Variants in GLCE observed in about 807,000 individuals in gnomAD.
GLCE encodes the protein D-glucuronyl C5-epimerase.
GLCE carries 19 observed loss-of-function variants against 47.9 expected under a neutral mutation model. The ratio of observed to expected loss-of-function variants is 0.40; its 90% CI spans 0.28 to 0.58. GLCE has a LOEUF of 0.58. Among genes scored for constraint, GLCE ranks in the 20% least tolerant of loss-of-function variants. GLCE has a pLI of 0.48. For missense variants in GLCE, 556 were observed against 743.3 expected, an observed-to-expected ratio of 0.75 and a Z score of 2.93; for synonymous variants, 245 against 263.4, an observed-to-expected ratio of 0.93 and a Z score of 0.68.
At chr15:69,189,078 GT>G (rs1168431483) in intron 1 of GLCE, among the ~76,000 whole-genome samples, 1 of 152,084 alleles carries the variant, frequency 6.6e-6, no homozygotes, top group African/African-American at 2.4e-5. Context: ...CACTCTTGAT[GT>G]TGTACATTCT....
rs150698656 is a variant in GLCE at position 69,202,959 on chromosome 15, A to G, written c.-104-7357A>G. Among the ~76,000 whole-genome samples, 56 of 152,300 alleles carry G rather than the reference A, an allele frequency of 3.7e-4. 1 individual carries two copies. The East Asian group carries it at 0.01, about 28-fold the overall frequency. On this transcript the variant is annotated intron_variant, in intron 1 of 4. Transcript: ENST00000261858. ...TTCTGAAAGAAGAACTTTTGGAATA[A>G]TGGGTGGAAAGTTCATTTGATTTGC...
At chr15:69,223,325 A>G (rs1014735459) in intron 2 of GLCE, among the ~76,000 whole-genome samples, 1 of 152,258 alleles carries the variant, frequency 6.6e-6, no homozygotes, top group South Asian at 2.1e-4. Flanking sequence ...TTTGCCGGAT[A>G]TAGGATTCTT....
intron 1 of GLCE, among the ~76,000 whole-genome samples, chr15:69,168,619 G>C (rs1030605317): frequency 6.6e-6 from 1 of 150,942 alleles, no homozygotes; most frequent in African/African-American, 2.4e-5. Flanking sequence ...CGCAACCTCT[G>C]CCTCCCAGGT....
chr15:69,233,375 T>C (rs1232835329), intron 2 of GLCE, among the ~76,000 whole-genome samples: 2 of 152,160 alleles, frequency 1.3e-5, no homozygotes, highest in East Asian at 3.8e-4. Context: ...GTTTATAAAT[T>C]CCCCTTGTTT....
chr15:69,232,115 T>C (rs956598186), intron 2 of GLCE, among the ~76,000 whole-genome samples: 1 of 152,192 alleles, frequency 6.6e-6, no homozygotes, highest in Non-Finnish European at 1.5e-5. Context: ...TACGTTTGGA[T>C]GGAGTAAAGT....
chr15:69,260,528 A>G (rs573175680), intron 3 of GLCE, among the ~76,000 whole-genome samples: 3 of 152,166 alleles, frequency 2.0e-5, no homozygotes, highest in East Asian at 3.9e-4. Flanking sequence ...CCAAAGTGCT[A>G]GGATTACAGG....
At chr15:69,182,246 CCAATTTATCAGA>C (rs1566949041) in intron 1 of GLCE, among the ~76,000 whole-genome samples, 1 of 150,782 alleles carries the variant, frequency 6.6e-6, no homozygotes, top group Non-Finnish European at 1.5e-5. Flanking sequence ...TAAAGAGAAA[CCAATTTATCAGA>C]CATCGTGTAT....
At chr15:69,188,823 AT>A (rs2051870912) in intron 1 of GLCE, among the ~76,000 whole-genome samples, 1 of 152,072 alleles carries the variant, frequency 6.6e-6, no homozygotes, top group Non-Finnish European at 1.5e-5. Context: ...TGATTTATTA[AT>A]TTTATTGATC....
intron 2 of GLCE, among the ~76,000 whole-genome samples, chr15:69,245,980 C>T (rs1294960451): frequency 4.6e-5 from 7 of 152,194 alleles, no homozygotes; most frequent in Non-Finnish European, 8.8e-5. Context: ...CTGCCCGCCT[C>T]GGCCTCCTAA....
At chr15:69,191,633 G>A (rs977503107) in intron 1 of GLCE, among the ~76,000 whole-genome samples, 2 of 152,168 alleles carry the variant, frequency 1.3e-5, no homozygotes, top group African/African-American at 4.8e-5. Context: ...AGCGTCCTCT[G>A]CCTAGCATGT....
At chr15:69,162,912 T>C (rs1206758909) in intron 1 of GLCE, among the ~76,000 whole-genome samples, 2 of 152,192 alleles carry the variant, frequency 1.3e-5, no homozygotes, top group Non-Finnish European at 2.9e-5. Context: ...TTTTAAAAGA[T>C]GTCATTTTTT....
intron 4 of GLCE, among the ~76,000 whole-genome samples, chr15:69,263,280 A>G (rs115086778): frequency 2.1e-3 from 327 of 152,310 alleles, no homozygotes; most frequent in African/African-American, 7.4e-3. Context: ...AAGCATAGGT[A>G]TGAGAAATGA....
intron 2 of GLCE, among the ~76,000 whole-genome samples, chr15:69,215,539 G>GGTGTGT (rs57115250): frequency 0.14 from 20,253 of 148,874 alleles, 1,436 homozygotes; most frequent in African/African-American, 0.17. Context: ...TTACATAAAG[G>GGTGTGT]GTGTGTGTGT....
chr15:69,231,544 A>G (rs565228904), intron 2 of GLCE, among the ~76,000 whole-genome samples: 1 of 151,836 alleles, frequency 6.6e-6, no homozygotes, highest in African/African-American at 2.4e-5. Context: ...CAGCCTCCCA[A>G]AGTGCTGGGA....
At chr15:69,221,996 G>A (rs11858474) in intron 2 of GLCE, among the ~76,000 whole-genome samples, 4,864 of 151,488 alleles carry the variant, frequency 0.032, 262 homozygotes, top group African/African-American at 0.11. Context: ...GGGACTTTTT[G>A]TTTTTATGAT....
intron 2 of GLCE, among the ~76,000 whole-genome samples, chr15:69,237,904 C>A (rs1365482040): frequency 2.0e-5 from 3 of 152,158 alleles, no homozygotes; most frequent in Non-Finnish European, 4.4e-5. Flanking sequence ...GCTGGAGAAG[C>A]CTGAAACTCC....
chr15:69,242,093 G>A (rs1198905789), intron 2 of GLCE, among the ~76,000 whole-genome samples: 1 of 152,128 alleles, frequency 6.6e-6, no homozygotes, highest in Non-Finnish European at 1.5e-5. Context: ...AAAGTACTTT[G>A]CAGTGTAGAT....
intron 1 of GLCE, among the ~76,000 whole-genome samples, chr15:69,192,406 CT>C (rs1309322705): frequency 6.6e-6 from 1 of 151,732 alleles, no homozygotes; most frequent in African/African-American, 2.4e-5. Context: ...TTATTTGATT[CT>C]TTTATGTTTC....
rs2053147595 is a variant in GLCE, at chr15:69,270,298, A to G, written c.*1054A>G. ...TTGATCATCAGCTTCCCAAACTAGT[A>G]AGTCTGTGCATCATTGGGTGTTTTT... is the stretch of plus-strand genomic sequence containing the variant. On this transcript the variant is annotated 3_prime_UTR_variant, in exon 5 of 5. Transcript: ENST00000261858. 6.6e-6 allele frequency: 1 copy of G among 152,124 alleles called. No homozygotes were observed. Among genetic ancestry groups the G allele is most frequent in the Non-Finnish European group, 1.5e-5 (1 of 68,000 alleles). The allele number at this position is 152,124 out of a possible 1,614,324, so 9.4% of individuals were successfully genotyped here. A position where few individuals can be genotyped will look rare whatever the true frequency, so the allele number is the denominator to read the frequency against.
Sources: gnomAD v4.1 joint callset for allele counts (sites outside exome capture counted in the v4.1 genomes callset) on GRCh38, gnomAD v4.1.1 for gene constraint, MANE v1.5 for transcripts, NCBI Gene and HGNC (gene_info 2026-07-23, HGNC 2026-07-21) for gene names.